The following PHACTR1 variants were observed in gnomAD, a reference collection of about 807,000 sequenced individuals.
PHACTR1 encodes phosphatase and actin regulator 1, also known as RPEL repeat containing 1.
A neutral mutation model predicts 69.2 loss-of-function variants in PHACTR1; 16 were observed. The observed-to-expected ratio is 0.23, with a 90% CI of 0.16 to 0.35. The LOEUF is 0.35. Among genes scored for constraint, PHACTR1 ranks in the 10% least tolerant of loss-of-function variants. PHACTR1 has a pLI of 1.00. For synonymous variants in PHACTR1, 312 were observed against 284.5 expected, an observed-to-expected ratio of 1.10 and a Z score of -0.97; for missense variants, 510 against 734.7, an observed-to-expected ratio of 0.69 and a Z score of 3.54.
intron 4 of PHACTR1, among the ~76,000 whole-genome samples, chr6:12,974,699 A>C (rs1356297700): frequency 6.6e-6 from 1 of 152,162 alleles, no homozygotes; most frequent in Non-Finnish European, 1.5e-5. Context: ...TGGATACAGG[A>C]AGTATGTGCT....
At chr6:12,773,326 A>C (rs543081224) in intron 4 of PHACTR1, among the ~76,000 whole-genome samples, 26 of 152,312 alleles carry the variant, frequency 1.7e-4, no homozygotes, top group Non-Finnish European at 3.2e-4. Context: ...GTGTGAACCA[A>C]GGGATGTTCA....
chr6:12,908,194 A>G (rs1483256276), intron 4 of PHACTR1, among the ~76,000 whole-genome samples: 1 of 152,214 alleles, frequency 6.6e-6, no homozygotes, highest in Non-Finnish European at 1.5e-5. Context: ...GAACAAGCCC[A>G]AATCCTTTCT....
chr6:13,242,911 T>C (rs1370548828), intron 10 of PHACTR1, among the ~76,000 whole-genome samples: 1 of 152,224 alleles, frequency 6.6e-6, no homozygotes, highest in Non-Finnish European at 1.5e-5. Flanking sequence ...GGGTGTTATT[T>C]AAAAGGTAGC....
chr6:13,208,862 C>G (rs1766346337), intron 8 of PHACTR1, among the ~76,000 whole-genome samples: 1 of 151,986 alleles, frequency 6.6e-6, no homozygotes, highest in East Asian at 1.9e-4. Context: ...ATGGGTAGAT[C>G]TAGTCGGATA....
chr6:13,046,765 C>T (rs1422953837), intron 4 of PHACTR1, among the ~76,000 whole-genome samples: 3 of 151,496 alleles, frequency 2.0e-5, no homozygotes, highest in Non-Finnish European at 4.4e-5. Flanking sequence ...CTAATGAAAC[C>T]AGGTAGGCAC....
chr6:13,173,092 G>A (rs1018035525), intron 6 of PHACTR1, among the ~76,000 whole-genome samples: 6 of 152,202 alleles, frequency 3.9e-5, no homozygotes, highest in African/African-American at 1.2e-4. Context: ...CTCAAATCCT[G>A]ACAGTGCACA....
intron 4 of PHACTR1, among the ~76,000 whole-genome samples, chr6:12,944,845 C>A (rs1022747749): frequency 1.3e-5 from 2 of 151,028 alleles, no homozygotes; most frequent in Non-Finnish European, 2.9e-5. Flanking sequence ...TGCAGTGGCG[C>A]GATCTCGGCT....
Position 12,953,048 on chromosome 6 carries a change from C to T in PHACTR1, c.251-100317C>T, listed in dbSNP as rs369674026. Among the ~76,000 whole-genome samples the T allele has an allele frequency of 2.8e-4, 43 of 152,268 alleles. 1 individual carries two copies. In the East Asian group the frequency reaches 6.6e-3, roughly 23 times the overall value. ...TCAAAGCTACAATATTCTTGCCGGG[C>T]GTGGTGGCTCATGCCTGTAATCTCA... On this transcript the variant is annotated intron_variant, in intron 4 of 14. Coordinates refer to ENST00000332995, the MANE Select transcript of PHACTR1 (RefSeq NM_030948.6).
chr6:12,819,641 A>T (rs1338630980), intron 4 of PHACTR1, among the ~76,000 whole-genome samples: 1 of 152,148 alleles, frequency 6.6e-6, no homozygotes, highest in East Asian at 1.9e-4. Flanking sequence ...ACCAAATGAA[A>T]TTGTGTTTGG....
At chr6:12,908,520 G>A (rs1375817249) in intron 4 of PHACTR1, among the ~76,000 whole-genome samples, 1 of 151,942 alleles carries the variant, frequency 6.6e-6, no homozygotes, top group African/African-American at 2.4e-5. Flanking sequence ...AAAAAAAAAA[G>A]GGTGCTGTGC....
intron 4 of PHACTR1, among the ~76,000 whole-genome samples, chr6:12,799,664 A>T (rs1366584817): frequency 2.0e-5 from 3 of 152,206 alleles, no homozygotes; most frequent in African/African-American, 7.2e-5. Context: ...CTGATGTGTC[A>T]ATAACCTTGG....
chr6:13,221,901 T>C (rs1365974774), intron 8 of PHACTR1, among the ~76,000 whole-genome samples: 1 of 152,060 alleles, frequency 6.6e-6, no homozygotes, highest in Admixed American at 6.5e-5. Flanking sequence ...CCAGGTGTGG[T>C]GGTGGGCACC....
At chr6:12,939,631 C>G (rs1562032301) in intron 4 of PHACTR1, among the ~76,000 whole-genome samples, 1 of 152,168 alleles carries the variant, frequency 6.6e-6, no homozygotes. Flanking sequence ...TTCCACTCTT[C>G]TTTATTGATG....
At chr6:12,868,701 A>C (rs1431685391) in intron 4 of PHACTR1, among the ~76,000 whole-genome samples, 1 of 152,204 alleles carries the variant, frequency 6.6e-6, no homozygotes, top group African/African-American at 2.4e-5. Context: ...AGCAAAAAGC[A>C]TATGTCCTGG....
intron 4 of PHACTR1, among the ~76,000 whole-genome samples, chr6:12,946,290 A>C (rs1790665410): frequency 6.6e-6 from 1 of 152,108 alleles, no homozygotes; most frequent in African/African-American, 2.4e-5. Context: ...TAGTGAAGGA[A>C]GTTGGGTGCC....
chr6:13,267,332 G>C (rs1776881715), intron 10 of PHACTR1: 1 of 152,256 alleles, frequency 6.6e-6, no homozygotes, highest in African/African-American at 2.4e-5. Flanking sequence ...ATAGGAATGA[G>C]ATAGAGCAAG....
chr6:12,752,478 G>T (rs927019195), intron 4 of PHACTR1, among the ~76,000 whole-genome samples: 3 of 152,084 alleles, frequency 2.0e-5, no homozygotes, highest in Non-Finnish European at 2.9e-5. Context: ...TCTTTCCAGA[G>T]AAATTTTTTA....
At chr6:12,993,899 T>A (rs1797103152) in intron 4 of PHACTR1, among the ~76,000 whole-genome samples, 1 of 151,988 alleles carries the variant, frequency 6.6e-6, no homozygotes, top group Admixed American at 6.6e-5. Flanking sequence ...AAGTATAAAC[T>A]CACAATGAAA....
At chr6:12,889,235 C>T (rs1783931666) in intron 4 of PHACTR1, among the ~76,000 whole-genome samples, 2 of 152,198 alleles carry the variant, frequency 1.3e-5, no homozygotes, top group Non-Finnish European at 1.5e-5. Flanking sequence ...TATGCCACTG[C>T]ACTCCAGCTG....
Sources: gnomAD v4.1 joint callset for allele counts (sites outside exome capture counted in the v4.1 genomes callset) on GRCh38, gnomAD v4.1.1 for gene constraint, MANE v1.5 for transcripts, NCBI Gene and HGNC (gene_info 2026-07-23, HGNC 2026-07-21) for gene names.